Variants in ADCK5 observed in about 807,000 individuals in gnomAD.
ADCK5 encodes the protein aarF domain containing kinase 5.
Under a neutral mutation model 64.9 loss-of-function variants are expected in ADCK5, and 43 were observed. That is an observed-to-expected ratio of 0.66 (90% CI 0.52 to 0.85). ADCK5 has a LOEUF of 0.85. Among genes scored for constraint, ADCK5 ranks in the 40% least tolerant of loss-of-function variants. The pLI, the probability that ADCK5 is intolerant of heterozygous loss-of-function variation, is 0.00. For synonymous variants in ADCK5, 434 were observed against 342.8 expected (o/e 1.27, Z -2.94); for missense variants, 760 against 810.5 (o/e 0.94, Z 0.76).
chr8:144,392,441 CCA>C lies in ADCK5; in HGVS notation c.1268-3_1268-2del. ...CCTCCCTCCCTCCCTCCCTCCCTCC[CCA>C]GACTACCTCCTGTTCGCCGAGATGC... On this transcript the variant is annotated splice_acceptor_variant and splice_polypyrimidine_tract_variant and intron_variant, in intron 12 of 14. Transcript: ENST00000308860. LOFTEE classifies it high-confidence loss of function. 6.7e-7 allele frequency: 1 copy of C among 1,503,488 alleles called. No individual in the cohort carries two copies. The highest frequency in any genetic ancestry group is 8.9e-7 in the Non-Finnish European group (1 of 1,125,912). The allele number at this position is 1,503,488 out of a possible 1,614,324, so 93.1% of individuals were successfully genotyped here.
chr8:144,392,418 T>TTC, intron 12 of ADCK5, 27 bp from the exon 13 acceptor site: 2 of 799,268 alleles, frequency 2.5e-6, no homozygotes, highest in Non-Finnish European at 3.4e-6. Flanking sequence ...CAGAGCCCCC[T>TTC]CCCTCCCTCC....
At chr8:144,388,380 C>T (rs1387962886) in intron 3 of ADCK5, among the ~76,000 whole-genome samples, 4 of 150,016 alleles carry the variant, frequency 2.7e-5, no homozygotes, top group African/African-American at 9.8e-5. Flanking sequence ...AAATTAAATT[C>T]CTTCTCCCCC....
At chr8:144,377,664 G>C (rs551556564) in intron 1 of ADCK5, among the ~76,000 whole-genome samples, 1 of 152,164 alleles carries the variant, frequency 6.6e-6, no homozygotes, top group African/African-American at 2.4e-5. Context: ...ACTTCTTTAC[G>C]TGTGTCCTGC....
Position 144,393,015 on chromosome 8 carries a change from C to T in ADCK5, c.1684C>T (p.Leu562=), listed in dbSNP as rs373850177. ...MRLTALLARA[L]VHLSLVPPAE... ...GCTGACCGCCCTCCTGGCTCGTGCT[C>T]TGGTCCACCTGAGCCTCGTGCCCCC... is the stretch of plus-strand genomic sequence containing the variant. Residue 562 remains leucine, a synonymous_variant, in exon 15 of 15, where the codon CTG becomes TTG. Coordinates refer to ENST00000308860, the MANE Select transcript of ADCK5 (RefSeq NM_174922.5). 6.3e-7 allele frequency: 1 copy of T among 1,591,116 alleles called. No homozygotes were observed. Among genetic ancestry groups the T allele is most frequent in the African/African-American group, 1.3e-5 (1 of 74,678 alleles).
At chr8:144,386,336 T>G (rs1819925001) in intron 3 of ADCK5, among the ~76,000 whole-genome samples, 1 of 151,570 alleles carries the variant, frequency 6.6e-6, no homozygotes, top group Admixed American at 6.6e-5. Context: ...TTTTTAAAAT[T>G]TTTTAATTTT....
In ADCK5 at chr8:144,393,232, C is replaced by G; in HGVS notation, c.*158C>G. On this transcript the variant is annotated 3_prime_UTR_variant, in exon 15 of 15. Transcript: ENST00000308860. ...CCGTGTAATGACCACACACTCCTCT[C>G]AAGCAAAAAATGTTTTTCCTTGTGT... 1 of 1,409,954 alleles carries G rather than the reference C, an allele frequency of 7.1e-7. No individual in the cohort carries two copies. Among genetic ancestry groups the G allele is most frequent in the Non-Finnish European group, 9.5e-7 (1 of 1,057,444 alleles). The allele number at this position is 1,409,954 out of a possible 1,614,324, so 87.3% of individuals were successfully genotyped here.
chr8:144,390,280 C>T (rs1554860106), intron 3 of ADCK5, among the ~76,000 whole-genome samples: 3 of 152,230 alleles, frequency 2.0e-5, no homozygotes, highest in Non-Finnish European at 4.4e-5. Flanking sequence ...GTGTGCACCA[C>T]CGTGCCTGCC....
chr8:144,386,427 G>A (rs1333500456), intron 3 of ADCK5, among the ~76,000 whole-genome samples: 1 of 149,818 alleles, frequency 6.7e-6, no homozygotes, highest in Non-Finnish European at 1.5e-5. Context: ...GTGGGATCTC[G>A]GCTCACTGCA....
intron 3 of ADCK5, among the ~76,000 whole-genome samples, chr8:144,387,698 C>T (rs185238043): frequency 6.6e-6 from 1 of 152,042 alleles, no homozygotes; most frequent in East Asian, 1.9e-4. Context: ...AGCCACTGCG[C>T]CTGGCCTCCA....
chr8:144,379,334 G>T (rs1192662298), intron 1 of ADCK5, 53 bp from the exon 2 acceptor site: 20 of 1,379,388 alleles, frequency 1.4e-5, no homozygotes, highest in Non-Finnish European at 2.0e-5. Flanking sequence ...CTGGTTGAGG[G>T]CAGGGGCGTG....
At position 144,392,311 on chromosome 8, in the gene ADCK5, C is replaced by T; in HGVS notation, c.1233C>T (p.Ala411=). The T allele has an allele frequency of 6.9e-7, 1 of 1,440,580 alleles. No homozygotes were observed. Among genetic ancestry groups the T allele is most frequent in the Non-Finnish European group, 9.2e-7 (1 of 1,087,594 alleles). The allele number at this position is 1,440,580 out of a possible 1,614,324, so 89.2% of individuals were successfully genotyped here. ...CCATCATCCTGCGGGACGACGCCGC[C>T]ATGAGGGCGCACGCAGCCGCACTGG... is the stretch of plus-strand genomic sequence containing the variant. The part of the protein sequence containing the change: ...WRAIILRDDA[A]MRAHAAALGV... The change falls in exon 12 of 15, where the codon GCC becomes GCT. Residue 411 remains alanine (A), a synonymous_variant. Coordinates refer to ENST00000308860, the MANE Select transcript of ADCK5 (RefSeq NM_174922.5).
At chr8:144,375,187 C>T (rs1200154631) in intron 1 of ADCK5, among the ~76,000 whole-genome samples, 3 of 152,170 alleles carry the variant, frequency 2.0e-5, no homozygotes, top group Admixed American at 6.5e-5. Context: ...CCAGCCCCAG[C>T]GAGTGGACAG....
At position 144,384,085 on chromosome 8, in the gene ADCK5, TAGTA is replaced by T. The variant is rs1294662563; in HGVS notation, c.266+856_266+859del. On this transcript the variant is annotated intron_variant, in intron 3 of 14. Coordinates refer to ENST00000308860, the MANE Select transcript of ADCK5 (RefSeq NM_174922.5). The surrounding 1 kb of genome is among the most constrained non-coding windows in gnomAD (Gnocchi z 5.7). ...TTATTTATTTATTTATTTATTTATT[TAGTA>T]TTTTTAGTAGAAACGGGGTTTCACT... Among the ~76,000 whole-genome samples, 1 of 151,788 alleles carries T rather than the reference TAGTA, an allele frequency of 6.6e-6. No homozygotes were observed. The highest frequency in any genetic ancestry group is 2.4e-5 in the African/African-American group (1 of 41,246).
rs932523960 is a variant in ADCK5, at chr8:144,392,126, G to A, written c.1131G>A (p.Glu377=). 2 of 1,610,418 alleles carry A rather than the reference G, an allele frequency of 1.2e-6. No individual in the cohort carries two copies. The highest frequency in any genetic ancestry group is 1.7e-4 in the Middle Eastern group (1 of 5,742). ...GGAAAGGCCCGGACGGGAAAGCGGA[G>A]CTGGTGCTGCTGGACCACGGGCTCT... is the stretch of plus-strand genomic sequence containing the variant. ...LVRKGPDGKA[E]LVLLDHGLYQ... The change falls in exon 11 of 15, where the codon GAG becomes GAA. Residue 377 remains glutamate, a synonymous_variant. Coordinates refer to ENST00000308860, the MANE Select transcript of ADCK5 (RefSeq NM_174922.5).
intron 3 of ADCK5, among the ~76,000 whole-genome samples, chr8:144,385,590 T>C (rs1819881365): frequency 6.7e-6 from 1 of 150,366 alleles, no homozygotes; most frequent in Non-Finnish European, 1.5e-5. Context: ...GAGGTTGCAG[T>C]GAACCAAGAT....
chr8:144,392,396 G>C, intron 12 of ADCK5, 49 bp from the exon 13 acceptor site: 1 of 1,491,492 alleles, frequency 6.7e-7, no homozygotes, highest in Non-Finnish European at 8.9e-7. Context: ...GTCGGGCGGC[G>C]CGGAACCCAC....
In ADCK5 at chr8:144,384,777, G is replaced by A. The variant is rs886624498; in HGVS notation, c.266+1547G>A. 2.0e-5 allele frequency among the ~76,000 whole-genome samples: 3 copies of A among 152,194 alleles called. No homozygotes were observed. The highest frequency in any genetic ancestry group is 1.9e-4 in the East Asian group (1 of 5,200). On this transcript the variant is annotated intron_variant, in intron 3 of 14. Transcript: ENST00000308860. This position sits in a 1 kb window ranked among gnomAD's most constrained non-coding sequence, Gnocchi z 5.7. ...TCGGCCACCGGCTTGGTGAGCCTGCGTTTTGGGCTCACTTTGTGGGAAAAC... is the reference window on the plus strand; with the variant it reads ...TCGGCCACCGGCTTGGTGAGCCTGCATTTTGGGCTCACTTTGTGGGAAAAC...
At chr8:144,375,904 C>A (rs955087082) in intron 1 of ADCK5, among the ~76,000 whole-genome samples, 1 of 152,198 alleles carries the variant, frequency 6.6e-6, no homozygotes, top group South Asian at 2.1e-4. Flanking sequence ...GTCTAAAAGA[C>A]GGCTTATCTT....
intron 2 of ADCK5, among the ~76,000 whole-genome samples, chr8:144,382,101 C>T (rs1819688931): frequency 6.9e-6 from 1 of 144,328 alleles, no homozygotes; most frequent in Non-Finnish European, 1.5e-5. Flanking sequence ...TGCTCAGGCA[C>T]CTGCTGCACT....
Sources: allele counts gnomAD v4.1 joint callset (sites outside exome capture counted in the v4.1 genomes callset), GRCh38; gene constraint gnomAD v4.1.1; non-coding constraint Gnocchi (gnomAD v3.1); transcripts MANE v1.5; gene names NCBI Gene and HGNC (gene_info 2026-07-23, HGNC 2026-07-21).